CMTR1: variants seen among roughly 807,000 people sequenced by gnomAD.
The protein encoded by CMTR1 is cap methyltransferase 1, also known as cap-specific mRNA (nucleoside-2'-O-)-methyltransferase 1.
Under a neutral mutation model 107.0 loss-of-function variants are expected in CMTR1, and 39 were observed. The ratio of observed to expected loss-of-function variants is 0.36; its 90% confidence interval spans 0.28 to 0.48. CMTR1 has a LOEUF of 0.48. Among genes scored for constraint, CMTR1 ranks in the 20% least tolerant of loss-of-function variants. The probability of loss-of-function intolerance (pLI) is 0.99; values close to 1 mark genes in which losing one functional copy is unlikely to be tolerated. For synonymous variants in CMTR1, 366 were observed against 379.5 expected, an observed-to-expected ratio of 0.96 and a Z score of 0.41; for missense variants, 672 against 1,064.9, an observed-to-expected ratio of 0.63 and a Z score of 5.14.
rs1761837039 is a variant in CMTR1, at chr6:37,480,786, T to A, written c.*641T>A. Reference sequence around the variant, plus strand: ...CCAGCAGGGTGGGAAGGAGGGAGTTTGGGCAAACTCTCATCCCTGATACCA... The same window carrying A: ...CCAGCAGGGTGGGAAGGAGGGAGTTAGGGCAAACTCTCATCCCTGATACCA... On this transcript the variant is annotated 3_prime_UTR_variant, in exon 24 of 24. Coordinates refer to ENST00000373451, the MANE Select transcript of CMTR1 (RefSeq NM_015050.3). 9.1e-7 allele frequency: 1 copy of A among 1,095,910 alleles called. No homozygotes were observed. Among genetic ancestry groups the A allele is most frequent in the Non-Finnish European group, 1.1e-6 (1 of 895,400 alleles). 67.9% of individuals were successfully genotyped at this position (1,095,910 alleles called of 1,614,324 possible).
intron 19 of CMTR1, 114 bp downstream of exon 19, chr6:37,475,526 C>A: frequency 1.2e-6 from 1 of 847,620 alleles, no homozygotes; most frequent in Non-Finnish European, 1.9e-6. Flanking sequence ...TGTTGACATC[C>A]TGAGAGTTTC....
chr6:37,477,964 C>T (rs752521524), intron 21 of CMTR1, among the ~76,000 whole-genome samples: 3 of 152,204 alleles, frequency 2.0e-5, no homozygotes, highest in Non-Finnish European at 2.9e-5. Flanking sequence ...TCCCAGCTCC[C>T]GCTGCTGAGA....
chr6:37,431,954 T>C (rs901796474), upstream of CMTR1, among the ~76,000 whole-genome samples: 2 of 152,218 alleles, frequency 1.3e-5, no homozygotes, highest in African/African-American at 4.8e-5. Context: ...TAGCTGGGAC[T>C]ATAGGTGCGC....
chr6:37,452,566 A>G (rs1383853584), intron 6 of CMTR1, among the ~76,000 whole-genome samples: 1 of 152,156 alleles, frequency 6.6e-6, no homozygotes, highest in Non-Finnish European at 1.5e-5. Context: ...TTCTTTATCT[A>G]GAGAGGAAAT....
rs919205990 is a variant in CMTR1 at position 37,435,882 on chromosome 6, A to T, written c.133+120A>T. ...CTTGGTCCCTTGAGGAAAATTAGGA[A>T]TACTCTACAGAGAGATGTTGGCTAT... On this transcript the variant is annotated intron_variant, in intron 2 of 23. Transcript: ENST00000373451. 53 of 1,006,106 alleles carry T rather than the reference A, an allele frequency of 5.3e-5. No individual in the cohort carries two copies. The African/African-American group carries it at 7.0e-4, about 13-fold the overall frequency. The allele number at this position is 1,006,106 out of a possible 1,614,324, so 62.3% of individuals were successfully genotyped here.
chr6:37,464,798 T>C (rs745314603), intron 13 of CMTR1, among the ~76,000 whole-genome samples: 7 of 152,122 alleles, frequency 4.6e-5, no homozygotes, highest in Non-Finnish European at 7.4e-5. Flanking sequence ...GGACAAATGT[T>C]GTAATTTCCC....
At chr6:37,434,870 C>T (rs528371197) in intron 1 of CMTR1, among the ~76,000 whole-genome samples, 8 of 152,306 alleles carry the variant, frequency 5.3e-5, no homozygotes, top group African/African-American at 1.7e-4. Context: ...CCTCTTTCTC[C>T]CAAAGTGCTG....
Position 37,472,295 on chromosome 6 carries a change from C to T in CMTR1, c.1621-124C>T. 7 of 838,178 alleles carry T rather than the reference C, an allele frequency of 8.4e-6. No individual in the cohort carries two copies. The highest frequency in any genetic ancestry group is 1.4e-5 in the Non-Finnish European group (7 of 492,546). The allele number at this position is 838,178 out of a possible 1,614,324, so 51.9% of individuals were successfully genotyped here. On this transcript the variant is annotated intron_variant, in intron 15 of 23. Transcript: ENST00000373451. The surrounding 1 kb of genome is among the most constrained non-coding windows in gnomAD (Gnocchi z 4.1). ...CCACCTCCATCCCTGTCAGCCTAGC[C>T]TCCTTTGTTGTGTGCCATTCCTCCT...
intron 13 of CMTR1, among the ~76,000 whole-genome samples, chr6:37,465,016 TCC>T (rs1761477495): frequency 1.3e-5 from 2 of 151,546 alleles, no homozygotes; most frequent in African/African-American, 4.9e-5. Context: ...ACGCCTGTAA[TCC>T]AGCACTTTGG....
intron 8 of CMTR1, among the ~76,000 whole-genome samples, chr6:37,455,284 C>T (rs1048378708): frequency 2.0e-5 from 3 of 152,106 alleles, no homozygotes; most frequent in African/African-American, 4.8e-5. Context: ...GGTTTCTCCA[C>T]GTCAGGCTGG....
chr6:37,479,114 C>T (rs753464232), intron 22 of CMTR1, 33 bp from the exon 23 acceptor site: 24 of 1,508,996 alleles, frequency 1.6e-5, no homozygotes, highest in African/African-American at 2.8e-5. Flanking sequence ...CTTTGTGTCC[C>T]TTCTGGGCTT....
At chr6:37,461,216 T>C (rs1761397889) in intron 10 of CMTR1, among the ~76,000 whole-genome samples, 1 of 152,212 alleles carries the variant, frequency 6.6e-6, no homozygotes, top group Admixed American at 6.5e-5. Context: ...TAGCCAATAT[T>C]TTGCCTCTGT....
At chr6:37,463,311 G>A (rs1449083485) in intron 13 of CMTR1, among the ~76,000 whole-genome samples, 2 of 152,208 alleles carry the variant, frequency 1.3e-5, no homozygotes, top group African/African-American at 4.8e-5. Flanking sequence ...GGAGGCAGGA[G>A]TAATTTCCCT....
intron 19 of CMTR1, 62 bp downstream of exon 19, chr6:37,475,474 C>T (rs772553555): frequency 2.9e-5 from 41 of 1,413,190 alleles, no homozygotes; most frequent in Middle Eastern, 1.9e-4. Flanking sequence ...GGGAGGACAG[C>T]GGCCTCCCGA....
At chr6:37,445,798 C>T (rs1771782113) in intron 3 of CMTR1, among the ~76,000 whole-genome samples, 1 of 152,092 alleles carries the variant, frequency 6.6e-6, no homozygotes, top group Non-Finnish European at 1.5e-5. Context: ...CGGTCCCATA[C>T]CTCACTTTTA....
chr6:37,466,434 G>A (rs12194094), intron 13 of CMTR1, among the ~76,000 whole-genome samples: 8 of 151,934 alleles, frequency 5.3e-5, no homozygotes, highest in East Asian at 1.9e-4. Flanking sequence ...GCACCCGGCC[G>A]AATTTTACAG....
rs760097746 is a variant in CMTR1, at chr6:37,471,833, C to T, written c.1563-14C>T. The stretch of plus-strand genomic sequence containing the variant: ...CTTAGAGATTTTAATCACTAACTGG[C>T]TTCATATTCCCAGGACACTGAGTGA... On this transcript the variant is annotated splice_polypyrimidine_tract_variant and intron_variant, in intron 14 of 23. Coordinates refer to ENST00000373451, the MANE Select transcript of CMTR1 (RefSeq NM_015050.3). 1.2e-6 allele frequency: 2 copies of T among 1,613,606 alleles called. No individual in the cohort carries two copies. Among genetic ancestry groups the T allele is most frequent in the East Asian group, 2.2e-5 (1 of 44,870 alleles).
the CMTR1 span, among the ~76,000 whole-genome samples, chr6:37,427,246 G>A: frequency 5.3e-5 from 8 of 152,068 alleles, no homozygotes; most frequent in Admixed American, 6.6e-5. The surrounding 1 kb of genome is among the most constrained non-coding windows in gnomAD (Gnocchi z 4.4). Context: ...GACGGATTCC[G>A]CCAGCACAAT....
At chr6:37,479,742 C>T (rs771164187) in intron 23 of CMTR1, among the ~76,000 whole-genome samples, 1 of 152,208 alleles carries the variant, frequency 6.6e-6, no homozygotes, top group Non-Finnish European at 1.5e-5. Flanking sequence ...ACTACTAATA[C>T]TGTATATTAG....
Sources: allele counts gnomAD v4.1 joint callset (sites outside exome capture counted in the v4.1 genomes callset), GRCh38; gene constraint gnomAD v4.1.1; non-coding constraint Gnocchi (gnomAD v3.1); transcripts MANE v1.5; gene names NCBI Gene and HGNC (gene_info 2026-07-23, HGNC 2026-07-21).